ESF1: variants seen among roughly 807,000 people sequenced by gnomAD.
The protein encoded by ESF1 is ESF1 homolog.
ESF1 carries 58 observed loss-of-function variants against 92.0 expected under a neutral mutation model. The ratio of observed to expected loss-of-function variants is 0.63; its 90% confidence interval spans 0.51 to 0.78. The LOEUF (loss-of-function observed/expected upper bound fraction) is 0.78. ESF1 is among the 30% of genes least tolerant of loss of function. ESF1 has a pLI of 0.00. For missense variants in ESF1, 922 were observed against 989.1 expected (o/e 0.93, Z 0.91); for synonymous variants, 321 against 313.7 (o/e 1.02, Z -0.24).
intron 2 of ESF1, among the ~76,000 whole-genome samples, chr20:13,777,644 A>C (rs1455491864): frequency 6.6e-6 from 1 of 152,228 alleles, no homozygotes; most frequent in East Asian, 1.9e-4. Flanking sequence ...CATGATTAGC[A>C]ATACACCAAG....
chr20:13,719,103 A>G (rs2049850366), intron 11 of ESF1, 119 bp from the exon 12 acceptor site: 1 of 613,206 alleles, frequency 1.6e-6, no homozygotes, highest in Non-Finnish European at 2.5e-6. Flanking sequence ...AAATGTGTTG[A>G]AACTAAAAGA....
intron 9 of ESF1, among the ~76,000 whole-genome samples, chr20:13,755,615 A>T (rs1228071661): frequency 6.6e-6 from 1 of 152,212 alleles, no homozygotes; most frequent in Non-Finnish European, 1.5e-5. Flanking sequence ...ATACATCAAA[A>T]TAATTAAGTA....
chr20:13,782,665 T>C lies in ESF1; in HGVS notation c.476A>G (p.Lys159Arg). The change falls in exon 2 of 14, where the codon AAA (lysine) becomes AGA (arginine). Residue 159 changes from lysine (K) to arginine (R), a missense_variant. Lys to Arg is a conservative substitution (Grantham distance 26). Transcript: ENST00000617257. ...DSNISPKKDS[K>R]EFTQKNKKEK... is the part of the protein sequence containing the mutation. The stretch of plus-strand genomic sequence containing the variant: ...TTTCTTATTTTTTTGTGTAAATTCT[T>C]TGCTATCCTTCTTCGGACTTATGTT... The C allele has an allele frequency of 6.2e-7, 1 of 1,604,300 alleles. No individual in the cohort carries two copies. The highest frequency in any genetic ancestry group is 1.1e-5 in the South Asian group (1 of 87,774).
chr20:13,728,184 G>A (rs2049914598), intron 11 of ESF1, among the ~76,000 whole-genome samples, 194 bp downstream of exon 11: 1 of 152,138 alleles, frequency 6.6e-6, no homozygotes, highest in Non-Finnish European at 1.5e-5. Context: ...ATTATCCCTT[G>A]TATGTAGAAG....
chr20:13,768,865 C>G (rs1309083927), intron 7 of ESF1, among the ~76,000 whole-genome samples: 1 of 145,612 alleles, frequency 6.9e-6, no homozygotes, highest in African/African-American at 2.6e-5. Flanking sequence ...CCACTGCACT[C>G]CAGCCTGGGC....
At chr20:13,751,457 C>T (rs985768531) in intron 9 of ESF1, among the ~76,000 whole-genome samples, 4 of 152,136 alleles carry the variant, frequency 2.6e-5, no homozygotes, top group South Asian at 2.1e-4. Context: ...AGTCTAGAAA[C>T]GGTGGCTACA....
intron 9 of ESF1, among the ~76,000 whole-genome samples, chr20:13,755,586 A>C (rs2147757048): frequency 6.6e-6 from 1 of 152,324 alleles, no homozygotes; most frequent in Admixed American, 6.5e-5. Context: ...ACGCATTGAG[A>C]TAGGAAATAC....
At chr20:13,733,123 G>C (rs1158690119) in intron 10 of ESF1, among the ~76,000 whole-genome samples, 1 of 149,950 alleles carries the variant, frequency 6.7e-6, no homozygotes, top group African/African-American at 2.5e-5. Flanking sequence ...GCAGGGTTTC[G>C]CCATGTTGGC....
intron 9 of ESF1, among the ~76,000 whole-genome samples, chr20:13,745,908 G>C (rs543077571): frequency 6.8e-6 from 1 of 146,006 alleles, no homozygotes; most frequent in East Asian, 2.0e-4. Context: ...ATACATAACT[G>C]GGAAGTCACA....
intron 9 of ESF1, among the ~76,000 whole-genome samples, chr20:13,753,972 G>T (rs1213716605): frequency 6.6e-6 from 1 of 152,156 alleles, no homozygotes; most frequent in Admixed American, 6.5e-5. Context: ...GTGTGAAAGT[G>T]GCAACGTGCT....
intron 9 of ESF1, among the ~76,000 whole-genome samples, chr20:13,756,055 G>T (rs181190755): frequency 6.6e-6 from 1 of 152,288 alleles, no homozygotes; most frequent in African/African-American, 2.4e-5. Context: ...GAGGTTCAGG[G>T]TAACTGTTAC....
At chr20:13,748,540 ATG>A (rs753070186) in intron 9 of ESF1, among the ~76,000 whole-genome samples, 7 of 117,460 alleles carry the variant, frequency 6.0e-5, no homozygotes, top group South Asian at 2.8e-4. Flanking sequence ...ACACATATAT[ATG>A]TGTGTGTATA....
At chr20:13,771,043 G>C (rs1345177308) in intron 6 of ESF1, among the ~76,000 whole-genome samples, 1 of 152,102 alleles carries the variant, frequency 6.6e-6, no homozygotes, top group Admixed American at 6.5e-5. Flanking sequence ...CTGGTTCCTA[G>C]CTCTAAAAGC....
chr20:13,775,337 T>C (rs920597298), intron 3 of ESF1, 67 bp from the exon 4 acceptor site: 1 of 1,060,742 alleles, frequency 9.4e-7, no homozygotes, highest in African/African-American at 1.6e-5. Context: ...AAATAAAGAT[T>C]CTAAAAATGT....
chr20:13,772,850 TCTC>T (rs1273115721), intron 4 of ESF1, among the ~76,000 whole-genome samples: 3 of 151,894 alleles, frequency 2.0e-5, no homozygotes, highest in African/African-American at 7.3e-5. Flanking sequence ...AATAAGAGTA[TCTC>T]CTCCACATAC....
intron 8 of ESF1, among the ~76,000 whole-genome samples, chr20:13,761,601 G>A (rs1481796227): frequency 6.6e-6 from 1 of 151,824 alleles, no homozygotes; most frequent in Non-Finnish European, 1.5e-5. Context: ...TAAGAATACT[G>A]GAACCTTTCC....
intron 9 of ESF1, among the ~76,000 whole-genome samples, chr20:13,756,232 T>C (rs1019842216): frequency 1.3e-5 from 2 of 152,250 alleles, no homozygotes; most frequent in African/African-American, 4.8e-5. Context: ...TGATCTTATA[T>C]GTATAGCACA....
chr20:13,781,421 T>C (rs928107857), intron 2 of ESF1, among the ~76,000 whole-genome samples: 6 of 152,236 alleles, frequency 3.9e-5, no homozygotes, highest in Admixed American at 3.9e-4. Flanking sequence ...TACTTTTTAA[T>C]GTGGTTACTA....
intron 9 of ESF1, among the ~76,000 whole-genome samples, chr20:13,756,373 T>C (rs1978896586): frequency 6.6e-6 from 1 of 152,150 alleles, no homozygotes; most frequent in African/African-American, 2.4e-5. Flanking sequence ...AAAATATCAA[T>C]TTTCCCCTAT....
Sources: gnomAD v4.1 joint callset for allele counts (sites outside exome capture counted in the v4.1 genomes callset) on GRCh38, gnomAD v4.1.1 for gene constraint, MANE v1.5 for transcripts, NCBI Gene and HGNC (gene_info 2026-07-23, HGNC 2026-07-21) for gene names.